The following LRCH1 variants were observed in gnomAD, a reference collection of about 807,000 sequenced individuals.
The protein encoded by LRCH1 is leucine rich repeats and calponin homology domain containing 1, also known as leucine-rich repeat and calponin homology domain-containing protein 1.
A neutral mutation model predicts 94.9 loss-of-function variants in LRCH1; 23 were observed. That is an observed-to-expected ratio of 0.24 (90% confidence interval 0.17 to 0.34). The LOEUF (loss-of-function observed/expected upper bound fraction) is 0.34. Among genes scored for constraint, LRCH1 ranks in the 10% least tolerant of loss-of-function variants. LRCH1 has a pLI of 1.00. For synonymous variants in LRCH1, 364 were observed against 354.9 expected (o/e 1.03, Z -0.29); for missense variants, 790 against 945.9 (o/e 0.84, Z 2.16).
Position 46,557,873 on chromosome 13 carries a change from T to C in LRCH1, c.307+4170T>C, listed in dbSNP as rs560610233. ...GACTCCATCTCAAAAAATGAATGAA[T>C]AAATAAGTAAATAAAATAAAAAATT... On this transcript the variant is annotated intron_variant, in intron 1 of 19. Transcript: ENST00000389797. Among the ~76,000 whole-genome samples the C allele has an allele frequency of 9.9e-5, 15 of 151,900 alleles. 1 individual carries two copies. The South Asian group carries it at 2.9e-3, about 29-fold the overall frequency.
intron 1 of LRCH1, among the ~76,000 whole-genome samples, chr13:46,565,586 T>C (rs1323231236): frequency 6.6e-6 from 1 of 151,626 alleles, no homozygotes; most frequent in African/African-American, 2.4e-5. Context: ...CCAAGGTGGG[T>C]AAATCACTTG....
At chr13:46,584,117 G>A (rs2050404530) in intron 1 of LRCH1, among the ~76,000 whole-genome samples, 1 of 152,166 alleles carries the variant, frequency 6.6e-6, no homozygotes, top group African/African-American at 2.4e-5. Flanking sequence ...AATGGGATTT[G>A]TACTGAAAGA....
intron 13 of LRCH1, among the ~76,000 whole-genome samples, chr13:46,711,319 C>T (rs1872050569): frequency 6.6e-6 from 1 of 152,062 alleles, no homozygotes; most frequent in Non-Finnish European, 1.5e-5. Context: ...CAGTAGTTGC[C>T]AAAGTAATCT....
At position 46,741,967 on chromosome 13, in the gene LRCH1, G is replaced by C; in HGVS notation, c.*119G>C. ...CCTGTCATGTCTTCAGTTATCTCTC[G>C]AGTTTTGAAGCTGAACAGTAGCAAA... On this transcript the variant is annotated 3_prime_UTR_variant, in exon 20 of 20. Transcript: ENST00000389797. 25 of 1,542,176 alleles carry C rather than the reference G, an allele frequency of 1.6e-5. No individual in the cohort carries two copies. The South Asian group carries it at 3.2e-4, about 19-fold the overall frequency.
chr13:46,728,210 C>T (rs1872923684), intron 17 of LRCH1, among the ~76,000 whole-genome samples: 1 of 151,910 alleles, frequency 6.6e-6, no homozygotes, highest in Non-Finnish European at 1.5e-5. Context: ...AGCCACCACT[C>T]CTGGCCTAAG....
Position 46,705,294 on chromosome 13 carries a change from C to T in LRCH1, c.1517C>T (p.Pro506Leu), listed in dbSNP as rs151127710. The T allele has an allele frequency of 6.6e-5, 106 of 1,613,500 alleles. No individual in the cohort carries two copies. Among genetic ancestry groups the T allele is most frequent in the African/African-American group, 2.8e-4 (21 of 74,916 alleles). ...LNGQIQLETSPVCEVQSDLTL... is the reference protein window; with the variant it reads ...LNGQIQLETSLVCEVQSDLTL... ...GGTCAAATACAGCTGGAGACATCTC[C>T]GGTGTGTGAGGTAAGGCTGCTGGTA... Residue 506 changes from proline (P) to leucine (L), a missense_variant, in exon 13 of 20, where the codon CCG (proline) becomes CTG (leucine). Transcript: ENST00000389797.
At chr13:46,584,593 G>A (rs988607752) in intron 1 of LRCH1, among the ~76,000 whole-genome samples, 5 of 152,220 alleles carry the variant, frequency 3.3e-5, no homozygotes, top group African/African-American at 9.7e-5. Context: ...TGATGATGCA[G>A]AGCCCCCTCA....
intron 7 of LRCH1, among the ~76,000 whole-genome samples, chr13:46,691,338 C>T (rs76503375): frequency 6.2e-4 from 94 of 152,288 alleles, no homozygotes; most frequent in Non-Finnish European, 1.0e-3. Flanking sequence ...TTATTAAAGC[C>T]GAAGCTTTCT....
intron 1 of LRCH1, among the ~76,000 whole-genome samples, chr13:46,556,321 A>T (rs1177696296): frequency 6.6e-6 from 1 of 152,268 alleles, no homozygotes; most frequent in Non-Finnish European, 1.5e-5. Flanking sequence ...TAAACAAAGA[A>T]ACATAGAATA....
intron 2 of LRCH1, among the ~76,000 whole-genome samples, chr13:46,663,020 A>G (rs1463493999): frequency 1.3e-5 from 2 of 152,194 alleles, no homozygotes; most frequent in African/African-American, 2.4e-5. Context: ...TTCAGATTCA[A>G]TTCAAATGAT....
chr13:46,649,575 T>C (rs1275002787), intron 1 of LRCH1, among the ~76,000 whole-genome samples: 1 of 152,162 alleles, frequency 6.6e-6, no homozygotes, highest in Non-Finnish European at 1.5e-5. Context: ...TTTATCTCAG[T>C]CTTATATATT....
chr13:46,653,315 G>A (rs842410), intron 2 of LRCH1, among the ~76,000 whole-genome samples: 90,118 of 151,892 alleles, frequency 0.59, 26,722 homozygotes, highest in South Asian at 0.68. Flanking sequence ...TACCATGTTT[G>A]AGACCTATTC....
Position 46,671,085 on chromosome 13 carries a change from C to T in LRCH1, c.579+1929C>T, listed in dbSNP as rs546353004. 2.0e-5 allele frequency among the ~76,000 whole-genome samples: 3 copies of T among 152,350 alleles called. No homozygotes were observed. The South Asian group carries it at 6.2e-4, about 32-fold the overall frequency. The stretch of plus-strand genomic sequence containing the variant: ...TCATCTCTTGCCACTGGCACCTTCA[C>T]TCTCCAAGTTCCTACCTTCTGGGAA... On this transcript the variant is annotated intron_variant, in intron 3 of 19. Coordinates refer to ENST00000389797, the MANE Select transcript of LRCH1 (RefSeq NM_001164211.2).
At chr13:46,733,770 TTTTG>T in intron 18 of LRCH1, 147 bp from the exon 19 acceptor site, 1 of 523,550 alleles carries the variant, frequency 1.9e-6, no homozygotes, top group African/African-American at 2.0e-5. Flanking sequence ...CTGAGTGATA[TTTTG>T]TTTTCTTCTA....
At chr13:46,705,654 G>A (rs929649586) in intron 13 of LRCH1, 1 of 401,930 alleles carries the variant, frequency 2.5e-6, no homozygotes, top group African/African-American at 2.1e-5. Flanking sequence ...GTAGATTTTA[G>A]AGCCAAGAAA....
At position 46,553,736 on chromosome 13, in the gene LRCH1, G is replaced by C. The variant is rs780108426; in HGVS notation, c.307+33G>C. 25 of 1,599,760 alleles carry C rather than the reference G, an allele frequency of 1.6e-5. No individual in the cohort carries two copies. In the South Asian group the frequency reaches 2.7e-4, roughly 17 times the overall value. ...AGGGCCGAGGGGCGGGCAGGGGTGT[G>C]GGTGCTGTCTGGGTGTCTGTCGTGC... is the stretch of plus-strand genomic sequence containing the variant. On this transcript the variant is annotated intron_variant, in intron 1 of 19. Transcript: ENST00000389797.
chr13:46,650,722 C>CA (rs756410319), intron 2 of LRCH1, among the ~76,000 whole-genome samples: 1,456 of 58,100 alleles, frequency 0.025, 29 homozygotes, highest in African/African-American at 0.037. Flanking sequence ...AAACAAGGAG[C>CA]AAAAAAAAAA....
Position 46,689,120 on chromosome 13 carries a change from G to T in LRCH1, c.951-13G>T. 6.3e-7 allele frequency: 1 copy of T among 1,594,124 alleles called. No individual in the cohort carries two copies. Among genetic ancestry groups the T allele is most frequent in the Non-Finnish European group, 8.6e-7 (1 of 1,165,206 alleles). On this transcript the variant is annotated splice_polypyrimidine_tract_variant and intron_variant, in intron 6 of 19. Coordinates refer to ENST00000389797, the MANE Select transcript of LRCH1 (RefSeq NM_001164211.2). ...TTTTTAAATGAATTCAATATTGATGGCATCTATCTCAGCAAGAAGGATTCT... is the reference window on the plus strand; with the variant it reads ...TTTTTAAATGAATTCAATATTGATGTCATCTATCTCAGCAAGAAGGATTCT...
At chr13:46,579,324 G>A (rs2050339282) in intron 1 of LRCH1, among the ~76,000 whole-genome samples, 1 of 152,120 alleles carries the variant, frequency 6.6e-6, no homozygotes, top group South Asian at 2.1e-4. Flanking sequence ...CAACTCTTCA[G>A]AGAGATATTA....
Sources: gnomAD v4.1 joint callset for allele counts (sites outside exome capture counted in the v4.1 genomes callset) on GRCh38, gnomAD v4.1.1 for gene constraint, MANE v1.5 for transcripts, NCBI Gene and HGNC (gene_info 2026-07-23, HGNC 2026-07-21) for gene names.